The following GALNT13 variants were observed in gnomAD, a reference collection of about 807,000 sequenced individuals.
The protein encoded by GALNT13 is UDP-GalNAc:polypeptide N-acetylgalactosaminyltransferase 13.
A neutral mutation model predicts 64.2 loss-of-function variants in GALNT13; 28 were observed. That is an observed-to-expected ratio of 0.44 (90% CI 0.32 to 0.60). The LOEUF (loss-of-function observed/expected upper bound fraction) is 0.60, where lower values mean the gene tolerates loss of function less well. GALNT13 is among the 20% of genes least tolerant of loss of function. The pLI, the probability that GALNT13 is intolerant of heterozygous loss-of-function variation, is 0.05. For synonymous variants in GALNT13, 214 were observed against 224.6 expected (o/e 0.95, Z 0.42); for missense variants, 577 against 669.8 (o/e 0.86, Z 1.53).
intron 3 of GALNT13, among the ~76,000 whole-genome samples, chr2:153,960,822 A>C (rs917159681): frequency 6.6e-6 from 1 of 152,204 alleles, no homozygotes; most frequent in Non-Finnish European, 1.5e-5. Context: ...ATACAATAGC[A>C]CTAAAATATT....
At chr2:153,161,920 A>C in the GALNT13 span, among the ~76,000 whole-genome samples, 2 of 152,242 alleles carry the variant, frequency 1.3e-5, no homozygotes, top group African/African-American at 4.8e-5. Context: ...AATGGCGGGA[A>C]GGCAGAAAGA....
chr2:153,127,722 T>C, the GALNT13 span, among the ~76,000 whole-genome samples: 1 of 152,262 alleles, frequency 6.6e-6, no homozygotes, highest in African/African-American at 2.4e-5. Context: ...CTGAGCTTGC[T>C]GTGCTTAACT....
At chr2:153,475,431 A>G in the GALNT13 span, among the ~76,000 whole-genome samples, 1 of 152,190 alleles carries the variant, frequency 6.6e-6, no homozygotes, top group Non-Finnish European at 1.5e-5. Context: ...TGGATAGTTG[A>G]GATAAAGAGA....
chr2:153,646,841 A>G, the GALNT13 span, among the ~76,000 whole-genome samples: 1 of 151,896 alleles, frequency 6.6e-6, no homozygotes, highest in Admixed American at 6.6e-5. Context: ...TATGTGCCAC[A>G]TTTTCTTAAT....
chr2:153,699,847 T>G, the GALNT13 span, among the ~76,000 whole-genome samples: 3 of 152,076 alleles, frequency 2.0e-5, no homozygotes, highest in Non-Finnish European at 4.4e-5. Context: ...AGGCAGTGTT[T>G]AATAGCCTAC....
intron 9 of GALNT13, among the ~76,000 whole-genome samples, chr2:154,380,265 C>G (rs1191406037): frequency 2.6e-5 from 4 of 151,898 alleles, no homozygotes; most frequent in Non-Finnish European, 4.4e-5. Context: ...GGTCATATAG[C>G]TAGCATATGA....
At chr2:153,574,458 A>AT in the GALNT13 span, among the ~76,000 whole-genome samples, 1 of 151,878 alleles carries the variant, frequency 6.6e-6, no homozygotes, top group African/African-American at 2.4e-5. Flanking sequence ...TCACTACCTC[A>AT]TCTTTGAAGC....
At chr2:153,887,105 C>A (rs1687234001) in intron 1 of GALNT13, among the ~76,000 whole-genome samples, 1 of 151,888 alleles carries the variant, frequency 6.6e-6, no homozygotes, top group African/African-American at 2.4e-5. Flanking sequence ...TCTTACTGGG[C>A]AAGAAGGTCT....
intron 4 of GALNT13, among the ~76,000 whole-genome samples, chr2:154,152,327 T>A (rs983297737): frequency 2.7e-4 from 41 of 152,230 alleles, no homozygotes; most frequent in African/African-American, 9.1e-4. Flanking sequence ...CTTCCCTTTG[T>A]GGGTAACCCG....
rs188235665 is a variant in GALNT13, at chr2:154,113,734, A to C, written c.143-26603A>C. On this transcript the variant is annotated intron_variant, in intron 3 of 12. Coordinates refer to ENST00000392825, the MANE Select transcript of GALNT13 (RefSeq NM_052917.4). Reference sequence around the variant, plus strand: ...AATGGACAAGTGTGATATCTTGCAGAAGTGAAGTGATCATGGTCTCTCTCA... The same window carrying C: ...AATGGACAAGTGTGATATCTTGCAGCAGTGAAGTGATCATGGTCTCTCTCA... Among the ~76,000 whole-genome samples the C allele has an allele frequency of 1.9e-3, 291 of 152,342 alleles. 7 individuals are homozygous for C. The highest frequency in any genetic ancestry group is 0.017 in the Admixed American group (262 of 15,302).
At chr2:154,379,429 A>G (rs1383824078) in intron 9 of GALNT13, among the ~76,000 whole-genome samples, 2 of 152,066 alleles carry the variant, frequency 1.3e-5, no homozygotes, top group African/African-American at 4.8e-5. Context: ...GTGAATGAAA[A>G]TTAAGATATT....
At chr2:154,292,324 C>T (rs1692691942) in intron 8 of GALNT13, among the ~76,000 whole-genome samples, 2 of 152,094 alleles carry the variant, frequency 1.3e-5, no homozygotes, top group African/African-American at 4.8e-5. Flanking sequence ...CAAATTGTAT[C>T]AAGTTATTAA....
intron 4 of GALNT13, among the ~76,000 whole-genome samples, chr2:154,227,016 T>C (rs1452922972): frequency 1.3e-5 from 2 of 152,096 alleles, no homozygotes; most frequent in Non-Finnish European, 2.9e-5. Flanking sequence ...TCAAATAAAG[T>C]GCAATTATCT....
the GALNT13 span, chr2:153,449,905 C>G: frequency 6.6e-6 from 1 of 152,226 alleles, no homozygotes; most frequent in Non-Finnish European, 1.5e-5. Flanking sequence ...CTAATCACCT[C>G]TTAAAGGCCA....
intron 3 of GALNT13, among the ~76,000 whole-genome samples, chr2:153,983,969 C>T (rs531913354): frequency 6.6e-5 from 10 of 151,900 alleles, no homozygotes; most frequent in Non-Finnish European, 1.5e-4. Flanking sequence ...AAATTTTGCT[C>T]GTTAGCTTAA....
intron 8 of GALNT13, among the ~76,000 whole-genome samples, chr2:154,296,567 G>A (rs1047738633): frequency 2.6e-5 from 4 of 152,060 alleles, no homozygotes; most frequent in Admixed American, 1.3e-4. Flanking sequence ...ATAACAAGTC[G>A]TGTCATTTCT....
chr2:153,889,602 A>G (rs1036644382), intron 1 of GALNT13, among the ~76,000 whole-genome samples: 2 of 152,042 alleles, frequency 1.3e-5, no homozygotes, highest in African/African-American at 4.8e-5. Flanking sequence ...CTAAATACCG[A>G]TGCACTTTTA....
At chr2:153,713,149 A>G in the GALNT13 span, among the ~76,000 whole-genome samples, 1 of 152,334 alleles carries the variant, frequency 6.6e-6, no homozygotes, top group South Asian at 2.1e-4. Flanking sequence ...TATATGTTAA[A>G]TATTAGCTGG....
the GALNT13 span, among the ~76,000 whole-genome samples, chr2:153,816,162 A>G: frequency 6.6e-6 from 1 of 152,236 alleles, no homozygotes; most frequent in Non-Finnish European, 1.5e-5. Context: ...AGAATAAGTA[A>G]TCAAAAGCTA....
Sources: gnomAD v4.1 joint callset for allele counts (sites outside exome capture counted in the v4.1 genomes callset) on GRCh38, gnomAD v4.1.1 for gene constraint, MANE v1.5 for transcripts, NCBI Gene and HGNC (gene_info 2026-07-23, HGNC 2026-07-21) for gene names.